ARR3: variants seen among roughly 807,000 people sequenced by gnomAD.
ARR3 encodes arrestin-C.
ARR3 carries 14 observed loss-of-function variants against 35.4 expected under a neutral mutation model. That is an observed-to-expected ratio of 0.40 (90% CI 0.26 to 0.62). The LOEUF (loss-of-function observed/expected upper bound fraction) is 0.62. Ranked by LOEUF, ARR3 falls within the 20% of genes least tolerant of loss-of-function variation. The probability of loss-of-function intolerance (pLI) is 0.46; values close to 1 mark genes in which losing one functional copy is unlikely to be tolerated. For synonymous variants in ARR3, 97 were observed against 119.1 expected (o/e 0.81, Z 1.21); for missense variants, 259 against 303.8 (o/e 0.85, Z 1.10).
At chrX:70,273,658 T>C (rs1602720656) in intron 5 of ARR3, among the ~76,000 whole-genome samples, 1 of 111,504 alleles carries the variant, frequency 9.0e-6, no homozygotes, top group East Asian at 2.8e-4. Context: ...TGAGCTCACT[T>C]TCTTTGCCTC....
At chrX:70,280,664 G>T (rs778851050) in intron 14 of ARR3, 82 bp downstream of exon 14, 321 of 1,187,015 alleles carry the variant, frequency 2.7e-4, no homozygotes, top group Non-Finnish European at 3.6e-4. Flanking sequence ...ATTGATTCTG[G>T]AGGGTCTGAG....
chrX:70,279,544 T>A (rs760178553), intron 12 of ARR3, among the ~76,000 whole-genome samples: 1 of 112,762 alleles, frequency 8.9e-6, no homozygotes, highest in South Asian at 3.7e-4. Flanking sequence ...TGCTAAGCAA[T>A]GTGGAGAATA....
intron 15 of ARR3, 93 bp from the exon 16 acceptor site, chrX:70,281,006 G>C (rs770979768): frequency 3.0e-5 from 29 of 968,615 alleles, no homozygotes; most frequent in Admixed American, 2.2e-4. Flanking sequence ...GGAAGTTGGG[G>C]GGGGGGGAAG....
At chrX:70,281,027 T>G in intron 15 of ARR3, 72 bp from the exon 16 acceptor site, 1 of 1,134,353 alleles carries the variant, frequency 8.8e-7, no homozygotes, top group Non-Finnish European at 1.2e-6. Context: ...TAAAGATACT[T>G]CTTCAGGGAA....
Position 70,278,548 on chromosome X carries a change from T to A in ARR3, c.812T>A (p.Val271Glu). Reference protein sequence around the residue: ...ANSSFSQSFAVTPILAASCQK... With the variant: ...ANSSFSQSFAETPILAASCQK... ...TCCAGCTTCTCCCAGAGCTTTGCAG[T>A]AACCCCAATCCTGGCTGCCAGCTGC... is the stretch of plus-strand genomic sequence containing the variant. Residue 271 changes from valine (V) to glutamate (E), a missense_variant, in exon 12 of 17, where the codon GTA becomes GAA. Val to Glu is a moderately radical substitution (Grantham distance 121). Transcript: ENST00000307959. 8.3e-7 allele frequency: 1 copy of A among 1,211,756 alleles called. No homozygotes were observed. Among genetic ancestry groups the A allele is most frequent in the Non-Finnish European group, 1.1e-6 (1 of 895,349 alleles).
intron 1 of ARR3, 31 bp from the exon 2 acceptor site, chrX:70,269,325 G>A: frequency 1.7e-6 from 2 of 1,191,988 alleles, no homozygotes; most frequent in Non-Finnish European, 2.3e-6. Flanking sequence ...GAAATGAAAT[G>A]ATTGAGCCTT....
At chrX:70,273,900 T>C (rs1040821727) in intron 5 of ARR3, among the ~76,000 whole-genome samples, 8 of 111,108 alleles carry the variant, frequency 7.2e-5, no homozygotes, top group African/African-American at 2.6e-4. Flanking sequence ...GAATACCCTG[T>C]ACTCATCACC....
At chrX:70,277,130 T>C (rs2085656796) in intron 8 of ARR3, among the ~76,000 whole-genome samples, 1 of 113,062 alleles carries the variant, frequency 8.8e-6, no homozygotes, top group African/African-American at 3.2e-5. Flanking sequence ...GTTCTTTGAT[T>C]TATTTCAACC....
At chrX:70,277,929 T>A in intron 10 of ARR3, 129 bp downstream of exon 10, 1 of 861,250 alleles carries the variant, frequency 1.2e-6, no homozygotes, top group Non-Finnish European at 1.7e-6. Context: ...AAAATGCATA[T>A]CTTGTTTTGT....
rs371232872 is a variant in ARR3 at position 70,277,405 on chromosome X, G to A, written c.485G>A (p.Arg162Gln). 1.3e-5 allele frequency: 16 copies of A among 1,209,624 alleles called. No individual in the cohort carries two copies. Among genetic ancestry groups the A allele is most frequent in the African/African-American group, 5.2e-5 (3 of 57,206 alleles). ...EETVSKRDYV[R>Q]LVVRKVQFAP... ...TGGTCTCTGCTCAGAGACTATGTGC[G>A]GCTGGTTGTCCGGAAAGTACAATTT... Residue 162 changes from arginine to glutamine, a missense_variant, in exon 9 of 17, where the codon CGG becomes CAG. Arg to Gln is a conservative substitution (Grantham distance 43). Coordinates refer to ENST00000307959, the MANE Select transcript of ARR3 (RefSeq NM_004312.3).
chrX:70,277,890 C>T, intron 10 of ARR3, 90 bp downstream of exon 10: 1 of 949,144 alleles, frequency 1.1e-6, no homozygotes, highest in Non-Finnish European at 1.5e-6. Flanking sequence ...CTGCATTCAT[C>T]TAGGCTTTCC....
chrX:70,270,352 A>G (rs1206561404), intron 5 of ARR3, among the ~76,000 whole-genome samples: 1 of 112,545 alleles, frequency 8.9e-6, no homozygotes, highest in Non-Finnish European at 1.9e-5. Flanking sequence ...TAAGACTTTT[A>G]GAGGCCCAAA....
chrX:70,277,364 G>T lies in ARR3; in HGVS notation c.474-30G>T, dbSNP rs370341613. ...AGGTCTGTGGGTCTGAAAGGAGGAC[G>T]CTCTGGCTAATCTCTTGGTCTCTGC... On this transcript the variant is annotated intron_variant, in intron 8 of 16. Transcript: ENST00000307959. 3.1e-4 allele frequency: 369 copies of T among 1,198,773 alleles called. 2 individuals are homozygous for T. In the South Asian group the frequency reaches 6.4e-3, roughly 21 times the overall value.
chrX:70,277,307 G>A, intron 8 of ARR3, 87 bp from the exon 9 acceptor site: 1 of 1,120,250 alleles, frequency 8.9e-7, no homozygotes, highest in Admixed American at 2.8e-5. Context: ...CCATTCTTAA[G>A]CAACAATTGG....
At chrX:70,273,116 G>A (rs952182272) in intron 5 of ARR3, among the ~76,000 whole-genome samples, 17 of 107,227 alleles carry the variant, frequency 1.6e-4, no homozygotes, top group Non-Finnish European at 3.1e-4. Flanking sequence ...CTGTTACAAA[G>A]TATGAGTTCA....
intron 9 of ARR3, 85 bp from the exon 10 acceptor site, chrX:70,277,631 A>G: frequency 8.5e-7 from 1 of 1,169,921 alleles, no homozygotes; most frequent in Non-Finnish European, 1.2e-6. Context: ...CCAGGGTGGC[A>G]ATAGCGCTAA....
At chrX:70,280,061 G>C (rs1369976300) in intron 12 of ARR3, 134 bp from the exon 13 acceptor site, 4 of 560,109 alleles carry the variant, frequency 7.1e-6, no homozygotes, top group Non-Finnish European at 1.2e-5. Flanking sequence ...GGAAAGGTTA[G>C]AGCCTGGGAG....
At position 70,281,667 on chromosome X, in the gene ARR3, T is replaced by C. The variant is rs1262268119; in HGVS notation, c.1077-9T>C. On this transcript the variant is annotated splice_polypyrimidine_tract_variant and intron_variant, in intron 16 of 16. Transcript: ENST00000307959. ...CTAACCTTCCATTCTCTTCTGCTGC[T>C]TCTGCAAGCTCTGAGGACATAGTCA... 9 of 1,172,796 alleles carry C rather than the reference T, an allele frequency of 7.7e-6. No homozygotes were observed. The highest frequency in any genetic ancestry group is 9.1e-6 in the Non-Finnish European group (8 of 874,919).
In ARR3 at chrX:70,276,736, G is replaced by A; in HGVS notation, c.473G>A (p.Arg158Lys). The change falls in exon 8 of 17, where the codon AGA (arginine) becomes AAA (lysine). Residue 158 changes from arginine to lysine, a missense_variant and splice_region_variant. Physicochemically the swap from Arg to Lys is conservative, Grantham distance 26. Coordinates refer to ENST00000307959, the MANE Select transcript of ARR3 (RefSeq NM_004312.3). ...AACCCAGAGGAGACAGTCTCCAAGA[G>A]GTATTCTTTGGTTGTCCCCAAAAAT... is the stretch of plus-strand genomic sequence containing the variant. Reference protein sequence around the residue: ...AENPEETVSKRDYVRLVVRKV... With the variant: ...AENPEETVSKKDYVRLVVRKV... 1 of 1,207,014 alleles carries A rather than the reference G, an allele frequency of 8.3e-7. No individual in the cohort carries two copies. The highest frequency in any genetic ancestry group is 1.1e-6 in the Non-Finnish European group (1 of 891,955).
Sources: gnomAD v4.1 joint callset for allele counts (sites outside exome capture counted in the v4.1 genomes callset) on GRCh38, gnomAD v4.1.1 for gene constraint, MANE v1.5 for transcripts, NCBI Gene and HGNC (gene_info 2026-07-23, HGNC 2026-07-21) for gene names.